SLC14A2: variants seen among roughly 807,000 people sequenced by gnomAD.
SLC14A2 encodes solute carrier family 14 member 2.
In SLC14A2, 91 loss-of-function variants were observed where a neutral mutation model predicts 104.6. The observed-to-expected ratio is 0.87, with a 90% CI of 0.73 to 1.04. The LOEUF is 1.04. Among genes scored for constraint, SLC14A2 ranks in the 50% least tolerant of loss-of-function variants. SLC14A2 has a pLI of 0.00. For missense variants in SLC14A2, 1,189 were observed against 1,156.0 expected (o/e 1.03, Z -0.41); for synonymous variants, 476 against 466.4 (o/e 1.02, Z -0.27).
At chr18:45,316,047 G>C (rs1003043556) in intron 1 of SLC14A2, among the ~76,000 whole-genome samples, 1 of 152,190 alleles carries the variant, frequency 6.6e-6, no homozygotes, top group East Asian at 1.9e-4. Flanking sequence ...GAAGTAGGGG[G>C]CTATTCTCAG....
At chr18:45,279,620 T>A (rs1471486414) in intron 1 of SLC14A2, among the ~76,000 whole-genome samples, 1 of 152,092 alleles carries the variant, frequency 6.6e-6, no homozygotes, top group Non-Finnish European at 1.5e-5. Context: ...AAGCAGAAGA[T>A]CTTTTTGCCA....
intron 1 of SLC14A2, among the ~76,000 whole-genome samples, chr18:45,301,735 T>C (rs2084970878): frequency 6.6e-6 from 1 of 152,204 alleles, no homozygotes; most frequent in African/African-American, 2.4e-5. Context: ...ACCAGGTTGT[T>C]TTGTCTCCAT....
At chr18:45,277,123 T>C (rs2084710806) in intron 1 of SLC14A2, among the ~76,000 whole-genome samples, 1 of 152,224 alleles carries the variant, frequency 6.6e-6, no homozygotes, top group South Asian at 2.1e-4. Context: ...GATTGACACT[T>C]AGCACTTGAA....
In SLC14A2 at chr18:45,663,922, C is replaced by T. The variant is rs1338295526; in HGVS notation, c.1474+15C>T. 23 of 1,603,212 alleles carry T rather than the reference C, an allele frequency of 1.4e-5. No homozygotes were observed. The highest frequency in any genetic ancestry group is 1.9e-5 in the Non-Finnish European group (22 of 1,174,514). ...GAGGAGCAAAGGTGTGCATGTCCTC[C>T]CCCTCACGCTTGGATCCCTGCCTTC... On this transcript the variant is annotated intron_variant, in intron 11 of 19. Transcript: ENST00000255226.
intron 1 of SLC14A2, among the ~76,000 whole-genome samples, chr18:45,315,207 G>A (rs2085117417): frequency 6.6e-6 from 1 of 152,148 alleles, no homozygotes; most frequent in Non-Finnish European, 1.5e-5. Flanking sequence ...TTGAATCATT[G>A]GAGTAGTGGG....
the SLC14A2 span, among the ~76,000 whole-genome samples, chr18:45,172,093 A>T: frequency 6.6e-6 from 1 of 152,168 alleles, no homozygotes; most frequent in Admixed American, 6.6e-5. Context: ...TGGGCTGAGC[A>T]TGCAAATAAG....
chr18:45,412,040 T>G (rs1025001940), intron 1 of SLC14A2, among the ~76,000 whole-genome samples: 99 of 152,316 alleles, frequency 6.5e-4, no homozygotes, highest in African/African-American at 2.4e-3. Context: ...TTAATCAGTA[T>G]CTGTCTCCCC....
Position 45,625,741 on chromosome 18 carries a change from G to A in SLC14A2, c.209G>A (p.Arg70Lys). The A allele has an allele frequency of 6.4e-7, 1 of 1,564,384 alleles. No individual in the cohort carries two copies. Among genetic ancestry groups the A allele is most frequent in the South Asian group, 1.2e-5 (1 of 81,662 alleles). ...HIVKIEKLNE[R>K]SKRKDDGVAH... ...GTGAAGATCGAAAAGCTCAATGAAA[G>A]GAGTAAAAGGAAAGACGACGGGGTG... Residue 70 changes from arginine (R) to lysine (K), a missense_variant, in exon 3 of 20, where the codon AGG (arginine) becomes AAG (lysine). Coordinates refer to ENST00000255226, the MANE Select transcript of SLC14A2 (RefSeq NM_007163.4).
chr18:45,245,760 T>A (rs1276709587), intron 1 of SLC14A2, among the ~76,000 whole-genome samples: 1 of 152,208 alleles, frequency 6.6e-6, no homozygotes, highest in Non-Finnish European at 1.5e-5. Flanking sequence ...TAAAATACTA[T>A]CCACTCACTC....
At chr18:45,346,833 G>A (rs962638358) in intron 1 of SLC14A2, among the ~76,000 whole-genome samples, 2 of 151,842 alleles carry the variant, frequency 1.3e-5, no homozygotes, top group Admixed American at 6.6e-5. Flanking sequence ...GTGGTGGCGG[G>A]CACCTGTAAT....
intron 1 of SLC14A2, among the ~76,000 whole-genome samples, chr18:45,240,703 G>C (rs965792069): frequency 6.6e-6 from 1 of 151,382 alleles, no homozygotes; most frequent in African/African-American, 2.4e-5. Context: ...TGTTGCCCAG[G>C]CTGGAGTGCA....
At chr18:45,291,448 CT>C (rs2084868512) in intron 1 of SLC14A2, among the ~76,000 whole-genome samples, 1 of 152,176 alleles carries the variant, frequency 6.6e-6, no homozygotes, top group Admixed American at 6.5e-5. Context: ...ATTTTCCCAA[CT>C]TTTTCCCCAT....
At chr18:45,379,094 T>A (rs1363134517) in intron 1 of SLC14A2, among the ~76,000 whole-genome samples, 1 of 152,222 alleles carries the variant, frequency 6.6e-6, no homozygotes, top group Non-Finnish European at 1.5e-5. Flanking sequence ...GAACAGTGCC[T>A]GGGGTGACCT....
At chr18:45,339,201 TG>T (rs1243463508) in intron 1 of SLC14A2, among the ~76,000 whole-genome samples, 1 of 152,092 alleles carries the variant, frequency 6.6e-6, no homozygotes, top group African/African-American at 2.4e-5. Context: ...CAACCTCAGG[TG>T]ATCTGCCCAC....
intron 2 of SLC14A2, among the ~76,000 whole-genome samples, chr18:45,551,338 G>A (rs1298227657): frequency 1.3e-5 from 2 of 152,202 alleles, no homozygotes; most frequent in Non-Finnish European, 2.9e-5. Context: ...CCAATACCCA[G>A]GACTGCTCTG....
At chr18:45,549,703 G>A (rs929967858) in intron 2 of SLC14A2, among the ~76,000 whole-genome samples, 3 of 152,236 alleles carry the variant, frequency 2.0e-5, no homozygotes, top group African/African-American at 7.2e-5. Flanking sequence ...AAGGGAGTCT[G>A]CAAGAGGAAG....
At chr18:45,389,281 T>C (rs1189753197) in intron 1 of SLC14A2, among the ~76,000 whole-genome samples, 1 of 152,192 alleles carries the variant, frequency 6.6e-6, no homozygotes, top group East Asian at 1.9e-4. Context: ...TAAATTTGCT[T>C]ATTGGTTTGA....
intron 1 of SLC14A2, among the ~76,000 whole-genome samples, chr18:45,428,440 A>G (rs768437527): frequency 6.6e-6 from 1 of 152,202 alleles, no homozygotes; most frequent in South Asian, 2.1e-4. Flanking sequence ...ACAAAAAAAC[A>G]CTGTGCACAA....
intron 1 of SLC14A2, among the ~76,000 whole-genome samples, chr18:45,333,869 A>C (rs2085313184): frequency 6.6e-6 from 1 of 152,242 alleles, no homozygotes; most frequent in African/African-American, 2.4e-5. Context: ...ACACCTATTA[A>C]TAATAATCTT....
Sources: allele counts gnomAD v4.1 joint callset (sites outside exome capture counted in the v4.1 genomes callset), GRCh38; gene constraint gnomAD v4.1.1; transcripts MANE v1.5; gene names NCBI Gene and HGNC (gene_info 2026-07-23, HGNC 2026-07-21).